The following RPS6KA2 variants were observed in gnomAD, a reference collection of about 807,000 sequenced individuals.
RPS6KA2 encodes the protein ribosomal protein S6 kinase A2.
RPS6KA2 carries 42 observed loss-of-function variants against 91.8 expected under a neutral mutation model. That is an observed-to-expected ratio of 0.46 (90% CI 0.36 to 0.59). The LOEUF (loss-of-function observed/expected upper bound fraction) is 0.59, where lower values mean the gene tolerates loss of function less well. Among genes scored for constraint, RPS6KA2 ranks in the 20% least tolerant of loss-of-function variants. The probability of loss-of-function intolerance (pLI) is 0.00; values close to 1 mark genes in which losing one functional copy is unlikely to be tolerated. For synonymous variants in RPS6KA2, 414 were observed against 393.6 expected, an observed-to-expected ratio of 1.05 and a Z score of -0.61; for missense variants, 798 against 978.5, an observed-to-expected ratio of 0.82 and a Z score of 2.46.
rs1473295205 is a variant in RPS6KA2 at position 166,585,507 on chromosome 6, T to A, written c.99+41414A>T. On this transcript the variant is annotated intron_variant, in intron 1 of 20. Transcript: ENST00000265678. ...ATGACATCAAACAAGTCTTTTTTTT[T>A]TTTTTTTTTTTTCCTTATTTTACAG... is the stretch of plus-strand genomic sequence containing the variant. 5.7e-5 allele frequency among the ~76,000 whole-genome samples: 7 copies of A among 122,708 alleles called. 2 individuals carry two copies. Among genetic ancestry groups the A allele is most frequent in the African/African-American group, 4.5e-4 (7 of 15,440 alleles). The allele number at this position is 122,708 out of a possible 152,430, so 80.5% of individuals were successfully genotyped here. A position where few individuals can be genotyped will look rare whatever the true frequency, so the allele number is the denominator to read the frequency against.
chr6:166,486,656 G>T (rs1483601750), intron 10 of RPS6KA2, among the ~76,000 whole-genome samples: 2 of 152,246 alleles, frequency 1.3e-5, no homozygotes, highest in East Asian at 3.9e-4. Context: ...GGCATTGGGG[G>T]CTGGGTCCAT....
chr6:166,656,295 G>T (rs1788000099), intron 2 of RPS6KA2, among the ~76,000 whole-genome samples: 1 of 152,254 alleles, frequency 6.6e-6, no homozygotes, highest in Non-Finnish European at 1.5e-5. Flanking sequence ...GGGAGAGGCA[G>T]GGAAGAAGAA....
chr6:166,445,854 A>G lies in RPS6KA2; in HGVS notation c.1332+2870T>C, dbSNP rs759631046. The stretch of plus-strand genomic sequence containing the variant: ...GTGGTAAAGCCGGATTCTAGTGACA[A>G]TCTCGGCTGGACATCTGCTGAGCTG... On this transcript the variant is annotated intron_variant, in intron 14 of 20. Transcript: ENST00000265678. The surrounding 1 kb of genome is among the most constrained non-coding windows in gnomAD (Gnocchi z 4.5). 1.3e-5 allele frequency among the ~76,000 whole-genome samples: 2 copies of G among 152,118 alleles called. No individual in the cohort carries two copies. Among genetic ancestry groups the G allele is most frequent in the South Asian group, 2.1e-4 (1 of 4,814 alleles).
At chr6:166,816,219 T>A (rs763671219) in intron 2 of RPS6KA2, among the ~76,000 whole-genome samples, 5 of 152,048 alleles carry the variant, frequency 3.3e-5, no homozygotes, top group Non-Finnish European at 4.4e-5. Flanking sequence ...GGCCCATGCT[T>A]TCTTAGCATG....
intron 2 of RPS6KA2, among the ~76,000 whole-genome samples, chr6:166,810,146 T>G (rs1023157436): frequency 2.0e-5 from 3 of 152,134 alleles, no homozygotes; most frequent in African/African-American, 7.2e-5. Context: ...CCATCGGATC[T>G]CGTGATAACT....
At chr6:166,842,168 G>A (rs1411836661) in intron 2 of RPS6KA2, among the ~76,000 whole-genome samples, 5 of 152,204 alleles carry the variant, frequency 3.3e-5, no homozygotes, top group Admixed American at 6.5e-5. Context: ...AACGCCAACC[G>A]AACGGGGGTT....
chr6:166,609,273 G>A (rs1244045187), intron 1 of RPS6KA2, among the ~76,000 whole-genome samples: 1 of 152,166 alleles, frequency 6.6e-6, no homozygotes, highest in Non-Finnish European at 1.5e-5. Flanking sequence ...TGCATAAGAT[G>A]TTTAAAAAAC....
Position 166,413,803 on chromosome 6 carries a change from G to T in RPS6KA2, c.2067C>A (p.His689Gln), listed in dbSNP as rs758070445. The T allele has an allele frequency of 3.7e-6, 6 of 1,614,036 alleles. No homozygotes were observed. In the African/African-American group the frequency reaches 6.7e-5, roughly 18 times the overall value. Reference protein sequence around the residue: ...SPNQLSRQDVHLVKGAMAATY... With the variant: ...SPNQLSRQDVQLVKGAMAATY... ...TGTCGCCTGCCGGTACCTTCACCAG[G>T]TGCACGTCCTGTCGGCTGAGCTGGT... The change falls in exon 20 of 21, where the codon CAC (histidine) becomes CAA (glutamine). Residue 689 changes from histidine (H) to glutamine (Q), a missense_variant. Transcript: ENST00000265678.
At chr6:166,439,691 G>A (rs1294411292) in intron 14 of RPS6KA2, among the ~76,000 whole-genome samples, 3 of 152,282 alleles carry the variant, frequency 2.0e-5, no homozygotes, top group East Asian at 3.9e-4. Flanking sequence ...AGATGGAGGC[G>A]GGGAACTAAA....
At chr6:166,742,514 C>T (rs1380504535) in intron 2 of RPS6KA2, among the ~76,000 whole-genome samples, 3 of 152,152 alleles carry the variant, frequency 2.0e-5, no homozygotes, top group Admixed American at 1.3e-4. Flanking sequence ...GAGGATTTCC[C>T]TTCTGCCTCC....
intron 2 of RPS6KA2, among the ~76,000 whole-genome samples, chr6:166,809,698 G>T (rs537159077): frequency 6.6e-6 from 1 of 152,248 alleles, no homozygotes; most frequent in Admixed American, 6.5e-5. Flanking sequence ...CAGGGACTAA[G>T]GCAGGCACAG....
intron 2 of RPS6KA2, among the ~76,000 whole-genome samples, chr6:166,730,139 A>G (rs1644079970): frequency 6.6e-6 from 1 of 152,110 alleles, no homozygotes; most frequent in Admixed American, 6.5e-5. Context: ...TTTGATCATC[A>G]CTCTGGTTAA....
Position 166,435,333 on chromosome 6 carries a change from T to C in RPS6KA2, c.1333-2843A>G, listed in dbSNP as rs1202413703. On this transcript the variant is annotated intron_variant, in intron 14 of 20. Transcript: ENST00000265678. The surrounding 1 kb of genome is among the most constrained non-coding windows in gnomAD (Gnocchi z 4.3). ...TCTTAAATTGTAATAAAAGCTAGCA[T>C]GTATGTGCACATGTGAGGCACACTG... 6.6e-6 allele frequency among the ~76,000 whole-genome samples: 1 copy of C among 152,220 alleles called. No homozygotes were observed. The highest frequency in any genetic ancestry group is 2.4e-5 in the African/African-American group (1 of 41,444).
chr6:166,436,383 A>G (rs866196898), intron 14 of RPS6KA2, among the ~76,000 whole-genome samples: 1 of 151,332 alleles, frequency 6.6e-6, no homozygotes, highest in African/African-American at 2.4e-5. Flanking sequence ...TAATTAAAGG[A>G]TCGTTTGCAA....
At chr6:166,818,159 ATGATAT>A (rs1779818720) in intron 2 of RPS6KA2, among the ~76,000 whole-genome samples, 1 of 138,584 alleles carries the variant, frequency 7.2e-6, no homozygotes, top group African/African-American at 3.5e-5. Context: ...AATTAATATA[ATGATAT>A]TATTAAATGT....
intron 11 of RPS6KA2, among the ~76,000 whole-genome samples, chr6:166,461,619 GAGCA>G (rs1476811681): frequency 6.6e-6 from 1 of 151,608 alleles, no homozygotes; most frequent in African/African-American, 2.4e-5. Flanking sequence ...GAAAGAGAGA[GAGCA>G]CGCACTAGCT....
chr6:166,786,572 T>G (rs550339465), intron 2 of RPS6KA2, among the ~76,000 whole-genome samples: 7 of 152,208 alleles, frequency 4.6e-5, no homozygotes, highest in Non-Finnish European at 1.0e-4. Flanking sequence ...AAAAGTATTC[T>G]TTTTTGTAAT....
chr6:166,744,413 C>T (rs528181683), intron 2 of RPS6KA2, among the ~76,000 whole-genome samples: 7 of 152,194 alleles, frequency 4.6e-5, no homozygotes, highest in East Asian at 1.9e-4. Flanking sequence ...GGAATGGGAG[C>T]GTTGCTGCCC....
rs1368552893 is a variant in RPS6KA2 at position 166,495,244 on chromosome 6, C to A, written c.747+3264G>T. 6.6e-6 allele frequency among the ~76,000 whole-genome samples: 1 copy of A among 151,980 alleles called. No homozygotes were observed. Among genetic ancestry groups the A allele is most frequent in the Non-Finnish European group, 1.5e-5 (1 of 68,038 alleles). ...GGTTGAGATCAAATGTGAAGATGGCCAGGCAGCCTTAGCTTGTGGTCACCA... is the reference window on the plus strand; with the variant it reads ...GGTTGAGATCAAATGTGAAGATGGCAAGGCAGCCTTAGCTTGTGGTCACCA... On this transcript the variant is annotated intron_variant, in intron 8 of 20. Coordinates refer to ENST00000265678, the MANE Select transcript of RPS6KA2 (RefSeq NM_021135.6). This position sits in a 1 kb window ranked among gnomAD's most constrained non-coding sequence, Gnocchi z 4.4.
Sources: gnomAD v4.1 joint callset for allele counts (sites outside exome capture counted in the v4.1 genomes callset) on GRCh38, gnomAD v4.1.1 for gene constraint, Gnocchi (gnomAD v3.1) non-coding constraint, MANE v1.5 for transcripts, NCBI Gene and HGNC (gene_info 2026-07-23, HGNC 2026-07-21) for gene names.